Variants in BRD10 observed in about 807,000 individuals in gnomAD.
BRD10 encodes uncharacterized bromodomain-containing protein 10.
chr9:5,892,398 GA>G, the BRD10 span: 1 of 1,337,140 alleles, frequency 7.5e-7, no homozygotes, highest in South Asian at 1.4e-5. Flanking sequence ...ATGAGATGAT[GA>G]ATAGGGTGGC....
chr9:5,966,455 CTTTTTTTT>C, the BRD10 span, among the ~76,000 whole-genome samples: 1 of 83,750 alleles, frequency 1.2e-5, no homozygotes, highest in Non-Finnish European at 2.1e-5. Flanking sequence ...CTAACATTTC[CTTTTTTTT>C]TTTTTTTTTT....
chr9:5,907,998 T>C, the BRD10 span, among the ~76,000 whole-genome samples: 2 of 152,156 alleles, frequency 1.3e-5, no homozygotes, highest in African/African-American at 4.8e-5. Context: ...GCTTGTACCA[T>C]ATTTCTATTG....
the BRD10 span, among the ~76,000 whole-genome samples, chr9:5,900,688 T>C: frequency 6.6e-6 from 1 of 152,206 alleles, no homozygotes; most frequent in Non-Finnish European, 1.5e-5. Context: ...TTTAGATCTC[T>C]TAAAATTTCT....
chr9:5,942,255 A>T, the BRD10 span, among the ~76,000 whole-genome samples: 1 of 152,166 alleles, frequency 6.6e-6, no homozygotes, highest in African/African-American at 2.4e-5. Flanking sequence ...CAAGTCATAA[A>T]GAAAAGGTTA....
At chr9:5,995,001 G>C in the BRD10 span, among the ~76,000 whole-genome samples, 1 of 151,634 alleles carries the variant, frequency 6.6e-6, no homozygotes, top group East Asian at 1.9e-4. Flanking sequence ...CCTGGTTCAA[G>C]CAATTCTCCT....
the BRD10 span, among the ~76,000 whole-genome samples, chr9:5,953,666 C>A: frequency 6.6e-6 from 1 of 151,664 alleles, no homozygotes; most frequent in Non-Finnish European, 1.5e-5. Flanking sequence ...TTCATTCACA[C>A]ATTTGCTTTT....
At chr9:5,884,519 CG>C in the BRD10 span, among the ~76,000 whole-genome samples, 6 of 152,168 alleles carry the variant, frequency 3.9e-5, no homozygotes, top group Non-Finnish European at 8.8e-5. Context: ...CGTCCTCACC[CG>C]AAGTTATGGT....
At chr9:6,007,425 G>C in the BRD10 span, 2 of 1,606,490 alleles carry the variant, frequency 1.2e-6, no homozygotes, top group African/African-American at 2.7e-5. Context: ...CCCGGCCCCC[G>C]CTGCGCGGCC....
At chr9:5,957,856 C>G in the BRD10 span, among the ~76,000 whole-genome samples, 1 of 152,012 alleles carries the variant, frequency 6.6e-6, no homozygotes. Context: ...ATTTGGTAAC[C>G]TGTTTTTGCT....
the BRD10 span, among the ~76,000 whole-genome samples, chr9:5,905,693 G>T: frequency 1.3e-5 from 2 of 152,190 alleles, no homozygotes; most frequent in South Asian, 2.1e-4. Context: ...CCTGTGACTT[G>T]TAAGTCTCTG....
the BRD10 span, chr9:6,007,644 G>C: frequency 6.2e-7 from 1 of 1,603,818 alleles, no homozygotes; most frequent in Non-Finnish European, 8.5e-7. Context: ...CCTCCAGCGA[G>C]GAGGCACTCC....
At chr9:5,974,617 AG>A in the BRD10 span, among the ~76,000 whole-genome samples, 2 of 152,204 alleles carry the variant, frequency 1.3e-5, no homozygotes, top group Non-Finnish European at 2.9e-5. Flanking sequence ...CCAAGAGTCC[AG>A]AGAGACCAAG....
chr9:5,980,810 A>G, the BRD10 span, among the ~76,000 whole-genome samples: 6 of 152,218 alleles, frequency 3.9e-5, no homozygotes, highest in Non-Finnish European at 8.8e-5. Context: ...AATATATACT[A>G]AATTTTCAGG....
At chr9:5,961,566 T>G in the BRD10 span, among the ~76,000 whole-genome samples, 1 of 152,184 alleles carries the variant, frequency 6.6e-6, no homozygotes, top group Non-Finnish European at 1.5e-5. Flanking sequence ...ATTTAAATTT[T>G]GAAAACAGGT....
chr9:6,006,960 T>C, the BRD10 span, among the ~76,000 whole-genome samples: 1 of 152,220 alleles, frequency 6.6e-6, no homozygotes, highest in African/African-American at 2.4e-5. Context: ...TACCCAGCTC[T>C]TCAGCGCTGC....
At chr9:5,915,089 CATG>C in the BRD10 span, among the ~76,000 whole-genome samples, 21 of 152,254 alleles carry the variant, frequency 1.4e-4, no homozygotes, top group Admixed American at 3.3e-4. Context: ...ACACTTTGTT[CATG>C]ATATTATTTG....
At chr9:5,910,809 G>A in the BRD10 span, 1 of 152,220 alleles carries the variant, frequency 6.6e-6, no homozygotes, top group South Asian at 2.1e-4. Context: ...CCACACCTCT[G>A]AAGATGACTC....
the BRD10 span, among the ~76,000 whole-genome samples, chr9:5,972,532 C>T: frequency 1.3e-5 from 2 of 148,750 alleles, no homozygotes; most frequent in East Asian, 2.0e-4. Flanking sequence ...ATAGCTTGGT[C>T]CCATTCTCAC....
chr9:5,906,330 AAAAAAAAAAAAAGAAAAGAAAAGAAAAG>A, the BRD10 span, among the ~76,000 whole-genome samples: 1 of 21,218 alleles, frequency 4.7e-5, no homozygotes, highest in African/African-American at 1.1e-4. Flanking sequence ...ACTCTGTCTC[AAAAAAAAAAAAAGAAAAGAAAAGAAAAG>A]AAAAAAAAAG....
Sources: allele counts gnomAD v4.1 joint callset (sites outside exome capture counted in the v4.1 genomes callset), GRCh38; gene constraint gnomAD v4.1.1; transcripts MANE v1.5; gene names NCBI Gene and HGNC (gene_info 2026-07-23, HGNC 2026-07-21).